Variants in AOPEP observed in about 807,000 individuals in gnomAD.
AOPEP encodes the protein aminopeptidase O (putative), also known as aminopeptidase O.
A neutral mutation model predicts 98.1 loss-of-function variants in AOPEP; 77 were observed. That is an observed-to-expected ratio of 0.78 (90% confidence interval 0.65 to 0.95). The LOEUF (loss-of-function observed/expected upper bound fraction) is 0.95, where lower values mean the gene tolerates loss of function less well. Ranked by LOEUF, AOPEP falls within the 40% of genes least tolerant of loss-of-function variation. The pLI is 0.00. For missense variants in AOPEP, 1,024 were observed against 1,024.7 expected, an observed-to-expected ratio of 1.00 and a Z score of 0.01; for synonymous variants, 346 against 365.3, an observed-to-expected ratio of 0.95 and a Z score of 0.60.
chr9:94,815,897 G>A (rs1245017578), intron 5 of AOPEP, among the ~76,000 whole-genome samples: 2 of 152,086 alleles, frequency 1.3e-5, no homozygotes, highest in Admixed American at 6.5e-5. Flanking sequence ...GCCTCATCAA[G>A]CTTTGGTTTA....
intron 5 of AOPEP, among the ~76,000 whole-genome samples, chr9:94,902,762 CT>C (rs879443826): frequency 1.6e-3 from 224 of 143,168 alleles, no homozygotes; most frequent in Non-Finnish European, 1.5e-3. Flanking sequence ...TTTTTAAAAT[CT>C]TTTTTTTTTT....
At chr9:94,821,819 A>G (rs1306049367) in intron 5 of AOPEP, among the ~76,000 whole-genome samples, 1 of 152,206 alleles carries the variant, frequency 6.6e-6, no homozygotes, top group Non-Finnish European at 1.5e-5. Context: ...GATGTGATTT[A>G]TCTCAGCCTT....
At chr9:94,790,047 T>C (rs1341601456) in intron 3 of AOPEP, among the ~76,000 whole-genome samples, 1 of 150,950 alleles carries the variant, frequency 6.6e-6, no homozygotes, top group African/African-American at 2.4e-5. Context: ...CTAATTTTTT[T>C]TGTATTTTTA....
intron 13 of AOPEP, among the ~76,000 whole-genome samples, chr9:95,027,883 A>G (rs1364534276): frequency 6.6e-6 from 1 of 152,184 alleles, no homozygotes; most frequent in Non-Finnish European, 1.5e-5. Flanking sequence ...AATCAAGTGA[A>G]CCTATTTTTC....
chr9:94,969,905 G>C lies in AOPEP; in HGVS notation c.1916+2104G>C, dbSNP rs2059433155. 1.3e-5 allele frequency among the ~76,000 whole-genome samples: 2 copies of C among 152,104 alleles called. 1 individual carries two copies. The highest frequency in any genetic ancestry group is 2.9e-5 in the Non-Finnish European group (2 of 68,022). On this transcript the variant is annotated intron_variant, in intron 10 of 16. Coordinates refer to ENST00000375315, the MANE Select transcript of AOPEP (RefSeq NM_001193329.3). ...CAGACATAGACTTAGATTCATGCAG[G>C]GCCAGTAACCTCCATGTTGATGAGA...
At chr9:95,005,411 G>C (rs1484369119) in intron 12 of AOPEP, 131 bp from the exon 13 acceptor site, 15 of 985,776 alleles carry the variant, frequency 1.5e-5, no homozygotes, top group Non-Finnish European at 2.2e-5. Flanking sequence ...TTCCGCGGGC[G>C]GGCGCGGGTG....
At chr9:94,738,345 T>C (rs565208178) in intron 1 of AOPEP, among the ~76,000 whole-genome samples, 3 of 152,272 alleles carry the variant, frequency 2.0e-5, no homozygotes, top group African/African-American at 7.2e-5. Context: ...TGGGGAAGTT[T>C]TGGGTGAATG....
chr9:95,065,827 T>C (rs2067832066), intron 14 of AOPEP, among the ~76,000 whole-genome samples: 1 of 152,194 alleles, frequency 6.6e-6, no homozygotes, highest in African/African-American at 2.4e-5. Context: ...GGGTCTGGCT[T>C]ACTGGCCCAT....
chr9:94,833,979 C>A (rs914355872), intron 5 of AOPEP, among the ~76,000 whole-genome samples: 1 of 151,294 alleles, frequency 6.6e-6, no homozygotes, highest in African/African-American at 2.4e-5. Context: ...CATAACAACC[C>A]TGTTGAAATA....
intron 9 of AOPEP, among the ~76,000 whole-genome samples, chr9:94,958,008 A>G (rs1011633028): frequency 3.3e-5 from 5 of 151,780 alleles, no homozygotes; most frequent in Non-Finnish European, 5.9e-5. Flanking sequence ...ACCACCATCC[A>G]TCTCCCATAC....
chr9:94,897,841 C>T (rs72748572), intron 5 of AOPEP, among the ~76,000 whole-genome samples: 4,031 of 139,604 alleles, frequency 0.029, 156 homozygotes, highest in African/African-American at 0.084. Context: ...AAAAGTATGC[C>T]TTTTTTTTTT....
intron 3 of AOPEP, among the ~76,000 whole-genome samples, chr9:94,777,623 A>G (rs1409440355): frequency 3.0e-5 from 4 of 135,336 alleles, no homozygotes; most frequent in Admixed American, 1.5e-4. Flanking sequence ...GAATTATATA[A>G]TCTTTTTTTT....
intron 7 of AOPEP, among the ~76,000 whole-genome samples, chr9:94,942,185 A>G (rs1589009788): frequency 6.6e-6 from 1 of 152,220 alleles, no homozygotes; most frequent in African/African-American, 2.4e-5. Flanking sequence ...TATCTTATGC[A>G]CTCAGCCAGT....
the AOPEP span, among the ~76,000 whole-genome samples, chr9:95,149,564 C>T: frequency 3.3e-5 from 5 of 151,892 alleles, no homozygotes; most frequent in Non-Finnish European, 7.4e-5. Flanking sequence ...CTGCAATCTC[C>T]GCCTCCCAGG....
chr9:94,948,499 GC>G (rs1352571906), intron 7 of AOPEP, among the ~76,000 whole-genome samples: 2 of 151,394 alleles, frequency 1.3e-5, no homozygotes, highest in African/African-American at 2.4e-5. Flanking sequence ...ATTTTGCCCC[GC>G]CCCCCATCTC....
intron 16 of AOPEP, among the ~76,000 whole-genome samples, chr9:95,083,671 T>C (rs1587972425): frequency 7.4e-6 from 1 of 135,386 alleles, no homozygotes; most frequent in Admixed American, 7.4e-5. Context: ...ACAGAGCACC[T>C]GCGGCACACA....
intron 15 of AOPEP, among the ~76,000 whole-genome samples, chr9:95,082,074 C>T (rs1213046118): frequency 1.3e-5 from 2 of 152,052 alleles, no homozygotes; most frequent in South Asian, 4.1e-4. Context: ...GGCGTCTCTG[C>T]GGGCATCGTG....
intron 5 of AOPEP, among the ~76,000 whole-genome samples, chr9:94,856,565 C>T (rs2044239809): frequency 6.6e-6 from 1 of 150,658 alleles, no homozygotes; most frequent in Admixed American, 6.6e-5. Flanking sequence ...CACTTGAACC[C>T]GGGAGGCAGA....
At chr9:94,847,187 GTCTCTC>G (rs147535375) in intron 5 of AOPEP, among the ~76,000 whole-genome samples, 1 of 135,150 alleles carries the variant, frequency 7.4e-6, no homozygotes, top group Admixed American at 7.5e-5. Context: ...CTCTGTCTCT[GTCTCTC>G]TCTCTCTCTC....
Sources: gnomAD v4.1 joint callset for allele counts (sites outside exome capture counted in the v4.1 genomes callset) on GRCh38, gnomAD v4.1.1 for gene constraint, MANE v1.5 for transcripts, NCBI Gene and HGNC (gene_info 2026-07-23, HGNC 2026-07-21) for gene names.